The following IL1RAPL1 variants were observed in gnomAD, a reference collection of about 807,000 sequenced individuals.
IL1RAPL1 encodes interleukin-1 receptor accessory protein-like 1.
In IL1RAPL1, 3 loss-of-function variants were observed where a neutral mutation model predicts 48.4. The observed-to-expected ratio is 0.06, with a 90% CI of 0.03 to 0.16. IL1RAPL1 has a LOEUF of 0.16. Among genes scored for constraint, IL1RAPL1 ranks in the 10% least tolerant of loss-of-function variants. The pLI, the probability that IL1RAPL1 is intolerant of heterozygous loss-of-function variation, is 1.00. For missense variants in IL1RAPL1, 349 were observed against 530.6 expected (o/e 0.66, Z 3.36); for synonymous variants, 185 against 187.7 (o/e 0.99, Z 0.12).
chrX:28,728,183 A>G (rs1344631797), intron 1 of IL1RAPL1, among the ~76,000 whole-genome samples: 2 of 112,258 alleles, frequency 1.8e-5, no homozygotes, highest in Admixed American at 9.5e-5. Flanking sequence ...TTCAGATAAC[A>G]CTGTACAGTT....
chrX:29,536,934 TTATA>T (rs1423267497), intron 5 of IL1RAPL1, among the ~76,000 whole-genome samples: 1 of 110,659 alleles, frequency 9.0e-6, no homozygotes, highest in Non-Finnish European at 1.9e-5. Flanking sequence ...AATGGCTTTA[TTATA>T]TAAACAATGG....
chrX:29,394,256 T>A (rs1933894863), intron 3 of IL1RAPL1, among the ~76,000 whole-genome samples: 1 of 111,441 alleles, frequency 9.0e-6, no homozygotes, highest in Non-Finnish European at 1.9e-5. Flanking sequence ...TTTGCCTCAT[T>A]GCATTTATTC....
At chrX:29,648,748 C>T (rs1602345300) in intron 5 of IL1RAPL1, among the ~76,000 whole-genome samples, 1 of 110,596 alleles carries the variant, frequency 9.0e-6, no homozygotes, top group Non-Finnish European at 1.9e-5. Context: ...AGAAACTCAA[C>T]CCAAAATTAG....
intron 2 of IL1RAPL1, among the ~76,000 whole-genome samples, chrX:28,985,886 C>G (rs1284826229): frequency 1.8e-5 from 2 of 110,800 alleles, no homozygotes; most frequent in East Asian, 2.9e-4. Flanking sequence ...GTCTCGATCT[C>G]CTGACCTTGT....
At chrX:29,126,715 C>T (rs182899070) in intron 2 of IL1RAPL1, among the ~76,000 whole-genome samples, 176 of 112,322 alleles carry the variant, frequency 1.6e-3, no homozygotes, top group African/African-American at 5.0e-3. Context: ...CTTACTACAT[C>T]AGTCACCTGT....
At chrX:29,357,708 C>A (rs1456771172) in intron 3 of IL1RAPL1, among the ~76,000 whole-genome samples, 1 of 112,098 alleles carries the variant, frequency 8.9e-6, no homozygotes, top group Non-Finnish European at 1.9e-5. Flanking sequence ...AGACACGATA[C>A]CTTTCCTCCG....
intron 1 of IL1RAPL1, among the ~76,000 whole-genome samples, chrX:28,753,295 C>T (rs778742136): frequency 7.1e-5 from 8 of 112,444 alleles, no homozygotes; most frequent in Non-Finnish European, 1.1e-4. Flanking sequence ...ATTTTTCTCA[C>T]GTGCTTGCCT....
At chrX:29,709,850 T>A (rs950035859) in intron 6 of IL1RAPL1, among the ~76,000 whole-genome samples, 1 of 111,995 alleles carries the variant, frequency 8.9e-6, no homozygotes. Flanking sequence ...TTCATTCATG[T>A]TTTACAGTTT....
chrX:29,425,866 T>TG (rs1934345351), intron 5 of IL1RAPL1, among the ~76,000 whole-genome samples: 1 of 111,418 alleles, frequency 9.0e-6, no homozygotes. Context: ...TGAACCACCG[T>TG]GCCTGGCCTG....
rs767060791 is a variant in IL1RAPL1 at position 28,722,698 on chromosome X, T to A, written c.-24-66622T>A. The stretch of plus-strand genomic sequence containing the variant: ...TTTCGAAGGGAATGCTTCCAGTTTT[T>A]GGCCATTCAGTATGATATTGGCTGT... On this transcript the variant is annotated intron_variant, in intron 1 of 10. Transcript: ENST00000378993. 3.6e-5 allele frequency among the ~76,000 whole-genome samples: 4 copies of A among 111,869 alleles called. No homozygotes were observed. The South Asian group carries it at 1.5e-3, about 42-fold the overall frequency.
At chrX:29,657,940 A>G (rs1182083792) in intron 5 of IL1RAPL1, among the ~76,000 whole-genome samples, 1 of 107,708 alleles carries the variant, frequency 9.3e-6, no homozygotes, top group Non-Finnish European at 1.9e-5. Flanking sequence ...CCTATGCTTC[A>G]TCATCATTTA....
chrX:29,485,964 G>A (rs1298413162), intron 5 of IL1RAPL1, among the ~76,000 whole-genome samples: 1 of 111,294 alleles, frequency 9.0e-6, no homozygotes, highest in Middle Eastern at 4.2e-3. Flanking sequence ...GAAGCGCAGC[G>A]TTAGGCCAGC....
intron 3 of IL1RAPL1, among the ~76,000 whole-genome samples, chrX:29,350,689 C>T (rs1278996649): frequency 2.8e-5 from 3 of 108,245 alleles, no homozygotes; most frequent in Non-Finnish European, 5.7e-5. Context: ...CCCTGAGCTG[C>T]TGGGATAGGC....
At chrX:29,109,001 G>A (rs1204649844) in intron 2 of IL1RAPL1, among the ~76,000 whole-genome samples, 1 of 110,126 alleles carries the variant, frequency 9.1e-6, no homozygotes, top group Non-Finnish European at 1.9e-5. Context: ...TTGTAAATGC[G>A]TTTCCCAATC....
At chrX:28,889,203 A>AT (rs1364326290) in intron 2 of IL1RAPL1, among the ~76,000 whole-genome samples, 1 of 111,240 alleles carries the variant, frequency 9.0e-6, no homozygotes, top group East Asian at 2.8e-4. Flanking sequence ...GGATTTAATT[A>AT]TTTTTTCTTG....
At chrX:29,506,457 C>CTCCTCT (rs1310285396) in intron 5 of IL1RAPL1, among the ~76,000 whole-genome samples, 3 of 108,802 alleles carry the variant, frequency 2.8e-5, no homozygotes, top group African/African-American at 1.0e-4. Context: ...CCTCCTCCTC[C>CTCCTCT]TCCTCCTCCT....
At chrX:29,384,917 G>A (rs1216702234) in intron 3 of IL1RAPL1, among the ~76,000 whole-genome samples, 6 of 111,740 alleles carry the variant, frequency 5.4e-5, no homozygotes, top group East Asian at 2.8e-4. Context: ...TACATAGAGG[G>A]CAATGAAATG....
At chrX:29,595,554 G>A (rs1469209036) in intron 5 of IL1RAPL1, among the ~76,000 whole-genome samples, 1 of 111,615 alleles carries the variant, frequency 9.0e-6, no homozygotes, top group Non-Finnish European at 1.9e-5. Flanking sequence ...AGAGTTGTCT[G>A]TTTGTGTCCT....
chrX:28,897,740 C>G (rs892384403), intron 2 of IL1RAPL1, among the ~76,000 whole-genome samples: 8 of 112,081 alleles, frequency 7.1e-5, no homozygotes, highest in African/African-American at 2.6e-4. Context: ...GAAGAGACCA[C>G]CAAACAGGTT....
Sources: allele counts gnomAD v4.1 joint callset (sites outside exome capture counted in the v4.1 genomes callset), GRCh38; gene constraint gnomAD v4.1.1; transcripts MANE v1.5; gene names NCBI Gene and HGNC (gene_info 2026-07-23, HGNC 2026-07-21).